Variants in COG5 observed in about 807,000 individuals in gnomAD.
COG5 encodes component of oligomeric golgi complex 5.
COG5 carries 86 observed loss-of-function variants against 110.4 expected under a neutral mutation model. The observed-to-expected ratio is 0.78, with a 90% CI of 0.65 to 0.93. The LOEUF (loss-of-function observed/expected upper bound fraction) is 0.93. COG5 is among the 40% of genes least tolerant of loss of function. The pLI, the probability that COG5 is intolerant of heterozygous loss-of-function variation, is 0.00. For missense variants in COG5, 1,077 were observed against 987.0 expected, an observed-to-expected ratio of 1.09 and a Z score of -1.22; for synonymous variants, 360 against 334.6, an observed-to-expected ratio of 1.08 and a Z score of -0.83.
intron 6 of COG5, among the ~76,000 whole-genome samples, chr7:107,503,173 T>G (rs1242235017): frequency 6.6e-6 from 1 of 152,180 alleles, no homozygotes; most frequent in Non-Finnish European, 1.5e-5. Flanking sequence ...TGGGTTGATT[T>G]TTATATAAAG....
chr7:107,208,762 G>A (rs1456520139), intron 21 of COG5: 28 of 985,282 alleles, frequency 2.8e-5, no homozygotes, highest in Non-Finnish European at 3.4e-5. Flanking sequence ...CCACACATAC[G>A]CCCAGAGGGC....
At chr7:107,310,300 T>C (rs1808110058) in intron 11 of COG5, among the ~76,000 whole-genome samples, 1 of 152,198 alleles carries the variant, frequency 6.6e-6, no homozygotes, top group East Asian at 1.9e-4. Flanking sequence ...GCCACAACCA[T>C]GGCTCACCAG....
intron 10 of COG5, among the ~76,000 whole-genome samples, chr7:107,325,914 T>A (rs547788871): frequency 6.6e-6 from 1 of 152,200 alleles, no homozygotes; most frequent in Non-Finnish European, 1.5e-5. Context: ...CATTGTTGAT[T>A]TCTTATGCAA....
At chr7:107,228,310 A>G (rs1028108227) in intron 19 of COG5, among the ~76,000 whole-genome samples, 9 of 151,212 alleles carry the variant, frequency 6.0e-5, no homozygotes, top group African/African-American at 2.2e-4. Context: ...CGGTCTCAAA[A>G]AAAAAAAAAA....
At chr7:107,348,736 G>A (rs1811861012) in intron 10 of COG5, among the ~76,000 whole-genome samples, 1 of 152,058 alleles carries the variant, frequency 6.6e-6, no homozygotes, top group Admixed American at 6.6e-5. Flanking sequence ...CATTTTATGT[G>A]TCTCTGAACC....
At chr7:107,344,494 T>C (rs1466252670) in intron 10 of COG5, among the ~76,000 whole-genome samples, 1 of 152,172 alleles carries the variant, frequency 6.6e-6, no homozygotes, top group East Asian at 1.9e-4. Context: ...ACTCAAACTT[T>C]TGTCATATCA....
chr7:107,362,523 G>A, intron 8 of COG5, 103 bp from the exon 9 acceptor site: 1 of 736,496 alleles, frequency 1.4e-6, no homozygotes, highest in South Asian at 1.7e-5. Flanking sequence ...AAAATGAGAA[G>A]TTCCTTCTTT....
intron 19 of COG5, among the ~76,000 whole-genome samples, chr7:107,217,976 C>T (rs1165164078): frequency 6.6e-6 from 1 of 151,924 alleles, no homozygotes; most frequent in Non-Finnish European, 1.5e-5. Flanking sequence ...CAAAAAGATA[C>T]CACCAAAAGA....
intron 17 of COG5, among the ~76,000 whole-genome samples, chr7:107,240,969 GA>G (rs1801577118): frequency 6.6e-6 from 1 of 151,878 alleles, no homozygotes; most frequent in African/African-American, 2.4e-5. Flanking sequence ...AAGCAACTGG[GA>G]AAAAAAATAC....
chr7:107,227,951 T>C (rs909063819), intron 19 of COG5, among the ~76,000 whole-genome samples: 2 of 152,088 alleles, frequency 1.3e-5, no homozygotes, highest in Non-Finnish European at 2.9e-5. Context: ...TACATGCACG[T>C]GCAATAATGC....
At chr7:107,437,765 A>G (rs1794455817) in intron 6 of COG5, among the ~76,000 whole-genome samples, 1 of 152,186 alleles carries the variant, frequency 6.6e-6, no homozygotes. Context: ...TTGCTTTCCT[A>G]CAACAGTATA....
At chr7:107,486,004 C>T (rs770000643) in intron 6 of COG5, among the ~76,000 whole-genome samples, 21 of 152,060 alleles carry the variant, frequency 1.4e-4, no homozygotes, top group Non-Finnish European at 2.5e-4. Flanking sequence ...GGCAATTATA[C>T]AGAAGCAAGA....
intron 6 of COG5, chr7:107,472,055 C>T (rs924442910): frequency 6.6e-6 from 1 of 151,736 alleles, no homozygotes. Context: ...TTTTTGTTTT[C>T]ACATATTCTG....
At chr7:107,552,909 C>T (rs577507322) in intron 3 of COG5, among the ~76,000 whole-genome samples, 94 of 152,232 alleles carry the variant, frequency 6.2e-4, no homozygotes, top group Non-Finnish European at 1.1e-3. Flanking sequence ...TACATATATA[C>T]CATGGATACT....
intron 10 of COG5, among the ~76,000 whole-genome samples, chr7:107,344,982 C>G (rs890722355): frequency 3.3e-5 from 5 of 152,220 alleles, no homozygotes; most frequent in Admixed American, 2.6e-4. Flanking sequence ...AAAGCTTACT[C>G]ATTTCTAGCT....
chr7:107,245,764 G>T (rs564021583), intron 17 of COG5, among the ~76,000 whole-genome samples: 26 of 152,246 alleles, frequency 1.7e-4, no homozygotes, highest in Admixed American at 1.4e-3. Flanking sequence ...GGAAGAATCA[G>T]TATGATTACA....
Position 107,281,418 on chromosome 7 carries a change from G to C in COG5, c.1476-19C>G, listed in dbSNP as rs562431916. ...TAGTTCACTGGAGAAAATGAAAACAGTTTTTAAATATTAGCAACATCATTC... is the reference window on the plus strand; with the variant it reads ...TAGTTCACTGGAGAAAATGAAAACACTTTTTAAATATTAGCAACATCATTC... On this transcript the variant is annotated intron_variant, in intron 13 of 21. Transcript: ENST00000297135. The C allele has an allele frequency of 1.3e-6, 2 of 1,549,072 alleles. No homozygotes were observed. Among genetic ancestry groups the C allele is most frequent in the South Asian group, 1.1e-5 (1 of 89,734 alleles).
intron 14 of COG5, among the ~76,000 whole-genome samples, chr7:107,279,021 G>C (rs762213309): frequency 8.6e-5 from 13 of 152,034 alleles, no homozygotes; most frequent in Non-Finnish European, 1.3e-4. Flanking sequence ...TGGGAGAAAA[G>C]TTTTGCAATC....
At chr7:107,412,272 T>C (rs1332796000) in intron 7 of COG5, among the ~76,000 whole-genome samples, 1 of 152,108 alleles carries the variant, frequency 6.6e-6, no homozygotes, top group Admixed American at 6.6e-5. Context: ...ATACATTTCA[T>C]GTTATATACA....
Sources: gnomAD v4.1 joint callset for allele counts (sites outside exome capture counted in the v4.1 genomes callset) on GRCh38, gnomAD v4.1.1 for gene constraint, MANE v1.5 for transcripts, NCBI Gene and HGNC (gene_info 2026-07-23, HGNC 2026-07-21) for gene names.